RASAL2: variants seen among roughly 807,000 people sequenced by gnomAD.
The protein encoded by RASAL2 is ras GTPase-activating protein nGAP.
RASAL2 carries 58 observed loss-of-function variants against 128.9 expected under a neutral mutation model. The observed-to-expected ratio is 0.45, with a 90% confidence interval of 0.36 to 0.56. The LOEUF (loss-of-function observed/expected upper bound fraction) is 0.56, where lower values mean the gene tolerates loss of function less well. Among genes scored for constraint, RASAL2 ranks in the 20% least tolerant of loss-of-function variants. The pLI is 0.00. For synonymous variants in RASAL2, 561 were observed against 580.8 expected, an observed-to-expected ratio of 0.97 and a Z score of 0.49; for missense variants, 1,360 against 1,601.6, an observed-to-expected ratio of 0.85 and a Z score of 2.57.
At chr1:178,239,709 A>AGTACATGCCAGAATC (rs1664407347) in intron 1 of RASAL2, among the ~76,000 whole-genome samples, 1 of 152,048 alleles carries the variant, frequency 6.6e-6, no homozygotes, top group Non-Finnish European at 1.5e-5. Context: ...ATATCACAGT[A>AGTACATGCCAGAATC]GTACATGCCA....
intron 3 of RASAL2, among the ~76,000 whole-genome samples, chr1:178,325,958 G>T (rs1025648493): frequency 1.3e-5 from 2 of 152,074 alleles, no homozygotes; most frequent in Non-Finnish European, 2.9e-5. Flanking sequence ...AGGCATGTTG[G>T]TGTGTGCCTG....
chr1:178,133,716 A>T (rs1359920986), intron 1 of RASAL2, among the ~76,000 whole-genome samples: 1 of 152,172 alleles, frequency 6.6e-6, no homozygotes, highest in Non-Finnish European at 1.5e-5. Context: ...TAAAAGAGAG[A>T]GTAGAGGGAA....
intron 3 of RASAL2, 129 bp from the exon 4 acceptor site, chr1:178,389,971 G>A: frequency 3.4e-6 from 2 of 588,994 alleles, no homozygotes; most frequent in East Asian, 3.0e-5. Context: ...GATAAATTAT[G>A]TGAGATAGAA....
Position 178,473,383 on chromosome 1 carries a change from T to C in RASAL2, c.*144T>C, listed in dbSNP as rs1416798439. 2 of 1,081,134 alleles carry C rather than the reference T, an allele frequency of 1.8e-6. No homozygotes were observed. The highest frequency in any genetic ancestry group is 5.2e-5 in the East Asian group (2 of 38,640). The allele number at this position is 1,081,134 out of a possible 1,614,324, so 67.0% of individuals were successfully genotyped here. On this transcript the variant is annotated 3_prime_UTR_variant, in exon 18 of 18. Transcript: ENST00000367649. ...AAACTCCTGAATGAAGAAAGGAACC[T>C]TGTCTTTCAGGGCATAAGGCGGCGA... is the stretch of plus-strand genomic sequence containing the variant.
intron 3 of RASAL2, among the ~76,000 whole-genome samples, chr1:178,385,226 G>A (rs1467199077): frequency 6.6e-6 from 1 of 152,202 alleles, no homozygotes; most frequent in Non-Finnish European, 1.5e-5. Context: ...GCCAAGGCGA[G>A]TGGATCATTT....
At chr1:178,131,094 AC>A (rs1188349726) in intron 1 of RASAL2, among the ~76,000 whole-genome samples, 26 of 150,262 alleles carry the variant, frequency 1.7e-4, no homozygotes, top group African/African-American at 3.6e-4. Context: ...CCAAAAAAAA[AC>A]ATGTGTTATT....
At chr1:178,157,990 G>A (rs1436458926) in intron 1 of RASAL2, among the ~76,000 whole-genome samples, 1 of 152,112 alleles carries the variant, frequency 6.6e-6, no homozygotes, top group Non-Finnish European at 1.5e-5. Context: ...ATCTTCTATT[G>A]ATTATCACTT....
intron 4 of RASAL2, among the ~76,000 whole-genome samples, chr1:178,404,225 CAAA>C (rs547639078): frequency 1.8e-5 from 1 of 57,108 alleles, no homozygotes. Context: ...GACCCCGTCT[CAAA>C]AAAAAAAAAA....
intron 4 of RASAL2, among the ~76,000 whole-genome samples, chr1:178,398,381 TATAAATTC>T (rs1336990491): frequency 1.3e-5 from 2 of 152,242 alleles, no homozygotes; most frequent in Non-Finnish European, 2.9e-5. Flanking sequence ...TAGTTTCTTC[TATAAATTC>T]ATACCTGTTA....
rs548971902 is a variant in RASAL2, at chr1:178,378,401, A to G, written c.458-11699A>G. On this transcript the variant is annotated intron_variant, in intron 3 of 17. Transcript: ENST00000367649. The stretch of plus-strand genomic sequence containing the variant: ...CAGAAATGGATAATTCTACAGTCCT[A>G]TCTATAAAAATTAGTAAGGATATAG... Among the ~76,000 whole-genome samples the G allele has an allele frequency of 2.0e-5, 3 of 152,244 alleles. No individual in the cohort carries two copies. The East Asian group carries it at 5.8e-4, about 29-fold the overall frequency.
At chr1:178,424,568 T>C (rs185091082) in intron 5 of RASAL2, among the ~76,000 whole-genome samples, 57 of 152,236 alleles carry the variant, frequency 3.7e-4, no homozygotes, top group African/African-American at 1.2e-3. Context: ...CTTACTTAAT[T>C]CTCCTGCCTC....
chr1:178,297,623 A>C (rs953064788), intron 2 of RASAL2, among the ~76,000 whole-genome samples: 7 of 151,648 alleles, frequency 4.6e-5, no homozygotes, highest in Admixed American at 1.3e-4. Context: ...AAAAAAAAAA[A>C]AAAAACTTAA....
chr1:178,188,484 G>A lies in RASAL2; in HGVS notation c.202+93790G>A, dbSNP rs546899691. ...TCATATATTTTGTCTGGTTTTCTAG[G>A]TGTTTATAGGAGGGCAAGTTCAGTA... On this transcript the variant is annotated intron_variant, in intron 1 of 17. Coordinates refer to ENST00000367649, the MANE Select transcript of RASAL2 (RefSeq NM_170692.4). 2.7e-4 allele frequency among the ~76,000 whole-genome samples: 41 copies of A among 152,198 alleles called. No homozygotes were observed. In the South Asian group the frequency reaches 8.3e-3, roughly 31 times the overall value.
intron 1 of RASAL2, among the ~76,000 whole-genome samples, chr1:178,206,440 A>G (rs1016682673): frequency 3.3e-5 from 5 of 152,250 alleles, no homozygotes; most frequent in Non-Finnish European, 7.3e-5. Flanking sequence ...ATCTCAATCA[A>G]TGTTTATAAC....
intron 1 of RASAL2, among the ~76,000 whole-genome samples, chr1:178,253,955 G>A (rs1253123745): frequency 6.6e-6 from 1 of 152,122 alleles, no homozygotes; most frequent in African/African-American, 2.4e-5. Flanking sequence ...AGACAAATCC[G>A]ATCCTGTAAG....
intron 1 of RASAL2, chr1:178,125,376 G>A (rs968528851): frequency 2.0e-5 from 3 of 152,052 alleles, no homozygotes; most frequent in Non-Finnish European, 4.4e-5. Context: ...TATGCTTACT[G>A]TATTAGTCCA....
At chr1:178,244,658 A>G (rs1664686882) in intron 1 of RASAL2, among the ~76,000 whole-genome samples, 1 of 152,254 alleles carries the variant, frequency 6.6e-6, no homozygotes, top group South Asian at 2.1e-4. Flanking sequence ...TGCTGCACCT[A>G]TCAACCTGTC....
At chr1:178,346,284 C>T (rs1312193850) in intron 3 of RASAL2, among the ~76,000 whole-genome samples, 3 of 152,004 alleles carry the variant, frequency 2.0e-5, no homozygotes, top group East Asian at 3.8e-4. Context: ...CACCTCTAGT[C>T]CCAGCTACTC....
intron 5 of RASAL2, among the ~76,000 whole-genome samples, chr1:178,422,280 T>C (rs1675202871): frequency 6.6e-6 from 1 of 152,104 alleles, no homozygotes; most frequent in Non-Finnish European, 1.5e-5. Flanking sequence ...CCAGAGTCTC[T>C]TGTATTTCTA....
Sources: gnomAD v4.1 joint callset for allele counts (sites outside exome capture counted in the v4.1 genomes callset) on GRCh38, gnomAD v4.1.1 for gene constraint, MANE v1.5 for transcripts, NCBI Gene and HGNC (gene_info 2026-07-23, HGNC 2026-07-21) for gene names.